FAM120C: variants seen among roughly 807,000 people sequenced by gnomAD.
FAM120C encodes the protein constitutive coactivator of PPAR-gamma-like protein 2.
In FAM120C, 14 loss-of-function variants were observed where a neutral mutation model predicts 71.2. The observed-to-expected ratio is 0.20, with a 90% CI of 0.13 to 0.31. FAM120C has a LOEUF of 0.31. Among genes scored for constraint, FAM120C ranks in the 10% least tolerant of loss-of-function variants. FAM120C has a pLI of 1.00. For synonymous variants in FAM120C, 354 were observed against 353.2 expected, an observed-to-expected ratio of 1.00 and a Z score of -0.03; for missense variants, 500 against 879.0, an observed-to-expected ratio of 0.57 and a Z score of 5.45.
chrX:54,074,177 G>A (rs782214599), intron 15 of FAM120C, among the ~76,000 whole-genome samples: 2 of 111,192 alleles, frequency 1.8e-5, no homozygotes, highest in East Asian at 5.6e-4. Flanking sequence ...AATACTATGG[G>A]GATCCTAAAT....
intron 10 of FAM120C, among the ~76,000 whole-genome samples, chrX:54,112,285 T>C (rs1479969227): frequency 9.1e-6 from 1 of 110,438 alleles, no homozygotes; most frequent in Non-Finnish European, 1.9e-5. Flanking sequence ...GGAAGGGTAG[T>C]GCACACCTGT....
At chrX:54,118,614 T>C (rs183276365) in intron 9 of FAM120C, among the ~76,000 whole-genome samples, 2 of 108,621 alleles carry the variant, frequency 1.8e-5, no homozygotes, top group Admixed American at 1.0e-4. Context: ...CGGGATATGG[T>C]ATTATCACTA....
At chrX:54,113,078 G>A (rs1403503606) in intron 10 of FAM120C, among the ~76,000 whole-genome samples, 2 of 110,623 alleles carry the variant, frequency 1.8e-5, no homozygotes, top group African/African-American at 6.6e-5. Context: ...ATTAAAGACT[G>A]AAATGAAAGA....
rs2066824044 is a variant in FAM120C, at chrX:54,091,444, T to C, written c.2313-18A>G. On this transcript the variant is annotated intron_variant, in intron 10 of 15. Coordinates refer to ENST00000375180, the MANE Select transcript of FAM120C (RefSeq NM_017848.6). Reference sequence around the variant, plus strand: ...CCATGTACCTAGAAAATAAAAGCACTGTTATTAGGCCACAAAAGCTCACTT... The same window carrying C: ...CCATGTACCTAGAAAATAAAAGCACCGTTATTAGGCCACAAAAGCTCACTT... The C allele has an allele frequency of 3.6e-6, 4 of 1,110,851 alleles. No individual in the cohort carries two copies. The African/African-American group carries it at 5.4e-5, about 15-fold the overall frequency. 91.5% of individuals were successfully genotyped at this position (1,110,851 alleles called of 1,213,427 possible).
intron 9 of FAM120C, among the ~76,000 whole-genome samples, chrX:54,130,423 T>C (rs2067060471): frequency 8.9e-6 from 1 of 112,024 alleles, no homozygotes; most frequent in Non-Finnish European, 1.9e-5. Context: ...TTTTGTTTTC[T>C]TGAGGTCTGA....
chrX:54,161,405 C>T (rs149240638), intron 1 of FAM120C, among the ~76,000 whole-genome samples: 3,228 of 111,558 alleles, frequency 0.029, 122 homozygotes, highest in African/African-American at 0.1. Context: ...ATCAAAGTCT[C>T]TAGGTGTCAC....
At chrX:54,104,769 C>T (rs1475703779) in intron 10 of FAM120C, among the ~76,000 whole-genome samples, 2 of 108,011 alleles carry the variant, frequency 1.9e-5, no homozygotes, top group African/African-American at 3.4e-5. Flanking sequence ...GATCGTGCCA[C>T]TGCACTTCAG....
chrX:54,136,091 C>T (rs1225276838), intron 5 of FAM120C, among the ~76,000 whole-genome samples: 5 of 109,908 alleles, frequency 4.5e-5, no homozygotes, highest in African/African-American at 9.9e-5. Context: ...CTCCGCCTCC[C>T]GGGTTCAAGC....
At chrX:54,150,164 T>C (rs781824499) in intron 4 of FAM120C, among the ~76,000 whole-genome samples, 1 of 111,882 alleles carries the variant, frequency 8.9e-6, no homozygotes, top group Non-Finnish European at 1.9e-5. Context: ...ACATCACAAG[T>C]TGAAAATATA....
rs1425060865 is a variant in FAM120C at position 54,071,113 on chromosome X, GC to G, written c.*1919del. ...ACTTCTTGGGCAAGAATATCACAAA[GC>G]CCAAAAGGAGGTATATGAGGCTGGA... On this transcript the variant is annotated 3_prime_UTR_variant, in exon 16 of 16. Transcript: ENST00000375180. 8.9e-6 allele frequency: 1 copy of G among 112,133 alleles called. No individual in the cohort carries two copies. The highest frequency in any genetic ancestry group is 1.9e-5 in the Non-Finnish European group (1 of 53,225). 9.2% of individuals were successfully genotyped at this position (112,133 alleles called of 1,213,427 possible). A position where few individuals can be genotyped will look rare whatever the true frequency, so the allele number is the denominator to read the frequency against.
rs782295003 is a variant in FAM120C, at chrX:54,138,157, T to C, written c.1159-1567A>G. Among the ~76,000 whole-genome samples the C allele has an allele frequency of 1.7e-3, 187 of 111,625 alleles. 1 individual carries two copies. Among genetic ancestry groups the C allele is most frequent in the African/African-American group, 6.0e-3 (184 of 30,749 alleles). The stretch of plus-strand genomic sequence containing the variant: ...AACAAAGTATTGATATACACGATAA[T>C]ATGTGTAAGTCTCAAAGATATTATA... On this transcript the variant is annotated intron_variant, in intron 4 of 15. Transcript: ENST00000375180.
intron 4 of FAM120C, among the ~76,000 whole-genome samples, chrX:54,149,359 C>T (rs781940593): frequency 9.0e-6 from 1 of 111,658 alleles, no homozygotes; most frequent in African/African-American, 3.3e-5. Context: ...CATACTGGGC[C>T]GGACGCGGTA....
chrX:54,137,173 G>A (rs2067099046), intron 4 of FAM120C, among the ~76,000 whole-genome samples: 1 of 110,865 alleles, frequency 9.0e-6, no homozygotes, highest in Non-Finnish European at 1.9e-5. Flanking sequence ...GGCTGGTCTC[G>A]AACTCCTGAC....
chrX:54,115,431 G>T (rs2066962848), intron 10 of FAM120C, among the ~76,000 whole-genome samples: 1 of 112,027 alleles, frequency 8.9e-6, no homozygotes, highest in Non-Finnish European at 1.9e-5. Flanking sequence ...GCAAAATTAA[G>T]AAGTTTTATG....
chrX:54,180,127 T>C (rs1195011674), intron 1 of FAM120C, among the ~76,000 whole-genome samples: 1 of 112,078 alleles, frequency 8.9e-6, no homozygotes, highest in Non-Finnish European at 1.9e-5. Context: ...TCTCTAAAGA[T>C]TTTGACTGAT....
Position 54,182,576 on chromosome X carries a change from G to T in FAM120C, c.623C>A (p.Pro208Gln). Residue 208 changes from proline (P) to glutamine (Q), a missense_variant, in exon 1 of 16, where the codon CCA (proline) becomes CAA (glutamine). Around this residue, in one of 11 missense-constraint regions of FAM120C, gnomAD observed 45 missense variants for 140.2 expected, o/e 0.32. Transcript: ENST00000375180. Reference sequence around the variant, plus strand: ...CGGTGGCAGGAACCAGGCCCGCGGTGGAGGGGTGCCCTTGTTGCCCACGTG... The same window carrying T: ...CGGTGGCAGGAACCAGGCCCGCGGTTGAGGGGTGCCCTTGTTGCCCACGTG... Reference protein sequence around the residue: ...VGHVGNKGTPPPRAWFLPPAC... With the variant: ...VGHVGNKGTPQPRAWFLPPAC... 8.3e-7 allele frequency: 1 copy of T among 1,209,847 alleles called. No homozygotes were observed.
chrX:54,100,959 C>T (rs1002811170), intron 10 of FAM120C, among the ~76,000 whole-genome samples: 2 of 110,962 alleles, frequency 1.8e-5, no homozygotes, highest in East Asian at 5.7e-4. Context: ...TATGCATTGC[C>T]CTGGTTGGAG....
At chrX:54,165,680 G>C (rs1038805349) in intron 1 of FAM120C, among the ~76,000 whole-genome samples, 5 of 110,679 alleles carry the variant, frequency 4.5e-5, no homozygotes, top group Non-Finnish European at 9.4e-5. Flanking sequence ...GGGGGGCTAA[G>C]GCAGGAGATT....
intron 3 of FAM120C, among the ~76,000 whole-genome samples, chrX:54,156,564 A>AT (rs1245024037): frequency 9.2e-6 from 1 of 108,269 alleles, no homozygotes; most frequent in African/African-American, 3.4e-5. Context: ...TAATTTTTCA[A>AT]TATTTGTTCA....
Sources: allele counts gnomAD v4.1 joint callset (sites outside exome capture counted in the v4.1 genomes callset), GRCh38; gene constraint gnomAD v4.1.1; regional missense constraint gnomAD v4.1.1; transcripts MANE v1.5; gene names NCBI Gene and HGNC (gene_info 2026-07-23, HGNC 2026-07-21).